TRHDE: variants seen among roughly 807,000 people sequenced by gnomAD.
TRHDE encodes the protein thyrotropin-releasing hormone-degrading ectoenzyme.
In TRHDE, 72 loss-of-function variants were observed where a neutral mutation model predicts 125.7. The observed-to-expected ratio is 0.57, with a 90% confidence interval of 0.47 to 0.70. The LOEUF is 0.70. Among genes scored for constraint, TRHDE ranks in the 30% least tolerant of loss-of-function variants. The pLI, the probability that TRHDE is intolerant of heterozygous loss-of-function variation, is 0.00. For missense variants in TRHDE, 1,110 were observed against 1,327.1 expected, an observed-to-expected ratio of 0.84 and a Z score of 2.54; for synonymous variants, 509 against 509.1, an observed-to-expected ratio of 1.00 and a Z score of 0.00.
intron 6 of TRHDE, among the ~76,000 whole-genome samples, chr12:72,541,193 A>G (rs548738900): frequency 1.3e-5 from 2 of 151,702 alleles, no homozygotes; most frequent in African/African-American, 4.8e-5. Flanking sequence ...TGGGATGTGT[A>G]GTCATAAAGC....
intron 2 of TRHDE, among the ~76,000 whole-genome samples, chr12:72,171,745 T>C (rs188612520): frequency 6.6e-6 from 1 of 152,272 alleles, no homozygotes; most frequent in East Asian, 1.9e-4. Context: ...GAAGAGGGTG[T>C]CTTAGTGACT....
rs1259491060 is a variant in TRHDE, at chr12:72,122,034, T to C, written n.279+16282T>C. Among the ~76,000 whole-genome samples the C allele has an allele frequency of 1.8e-4, 27 of 152,108 alleles. 1 individual carries two copies. The highest frequency in any genetic ancestry group is 1.5e-3 in the Admixed American group (23 of 15,264). ...GTCTTTGGCTTTGTGGTAAAGGATA[T>C]CTACTATTCTTCATGTCACTCACAC... On this transcript the variant is annotated intron_variant and non_coding_transcript_variant, in intron 2 of 4. Transcript: ENST00000548156.
intron 6 of TRHDE, among the ~76,000 whole-genome samples, chr12:72,522,155 T>G (rs1868262692): frequency 6.6e-6 from 1 of 152,314 alleles, no homozygotes; most frequent in Middle Eastern, 3.4e-3. Context: ...AGTTAGTAAA[T>G]GGTGGAGTCA....
intron 6 of TRHDE, among the ~76,000 whole-genome samples, chr12:72,511,299 T>G (rs575438139): frequency 2.6e-4 from 39 of 152,314 alleles, no homozygotes; most frequent in Admixed American, 9.2e-4. Context: ...ATATTTATGT[T>G]TGTATCATTA....
At chr12:72,100,233 C>G (rs1875035091) in intron 1 of TRHDE, among the ~76,000 whole-genome samples, 1 of 152,100 alleles carries the variant, frequency 6.6e-6, no homozygotes, top group South Asian at 2.1e-4. Context: ...CTGTGTAAGG[C>G]TTTTTATGAG....
chr12:72,644,228 C>A (rs1874185438), intron 15 of TRHDE, among the ~76,000 whole-genome samples: 2 of 152,170 alleles, frequency 1.3e-5, no homozygotes, highest in Non-Finnish European at 2.9e-5. Flanking sequence ...AATCTCTACT[C>A]CCTAGCACAT....
chr12:72,421,942 C>A (rs1462345662), intron 3 of TRHDE, among the ~76,000 whole-genome samples: 9 of 151,950 alleles, frequency 5.9e-5, no homozygotes, highest in Non-Finnish European at 1.3e-4. Context: ...AACCAGAATG[C>A]CAAATATTTT....
At chr12:72,109,448 C>T (rs754238111) in intron 2 of TRHDE, among the ~76,000 whole-genome samples, 13 of 151,942 alleles carry the variant, frequency 8.6e-5, no homozygotes, top group Admixed American at 2.0e-4. Flanking sequence ...AATATATATG[C>T]GACTTAACTA....
At chr12:72,240,192 A>G (rs183288944) in intron 2 of TRHDE, among the ~76,000 whole-genome samples, 1 of 151,556 alleles carries the variant, frequency 6.6e-6, no homozygotes, top group East Asian at 1.9e-4. Flanking sequence ...TTTATTTTTA[A>G]AGTTATATGT....
intron 6 of TRHDE, among the ~76,000 whole-genome samples, chr12:72,513,051 A>G (rs1360113344): frequency 6.6e-6 from 1 of 152,148 alleles, no homozygotes; most frequent in East Asian, 1.9e-4. Context: ...TGGTATGTTA[A>G]TGAAATATAA....
intron 2 of TRHDE, among the ~76,000 whole-genome samples, chr12:72,332,832 A>C (rs940783023): frequency 1.5e-4 from 23 of 152,308 alleles, no homozygotes; most frequent in African/African-American, 5.5e-4. Flanking sequence ...TTTGTTAGAA[A>C]TGCAGAATCT....
intron 2 of TRHDE, among the ~76,000 whole-genome samples, chr12:72,345,283 C>G (rs1870267065): frequency 6.6e-6 from 1 of 152,034 alleles, no homozygotes; most frequent in Non-Finnish European, 1.5e-5. Context: ...AAAAATAAAT[C>G]CAGCCCTGAC....
chr12:72,144,272 T>A (rs758954883), intron 2 of TRHDE, among the ~76,000 whole-genome samples: 5 of 152,236 alleles, frequency 3.3e-5, no homozygotes, highest in Non-Finnish European at 7.3e-5. Context: ...GTCTCTTTCT[T>A]TGAACCCCCT....
intron 3 of TRHDE, among the ~76,000 whole-genome samples, chr12:72,433,444 T>C (rs1281084316): frequency 1.3e-5 from 2 of 152,106 alleles, no homozygotes; most frequent in African/African-American, 4.8e-5. Flanking sequence ...CTCTAGTTTA[T>C]GGGTGGGGTG....
At chr12:72,565,194 T>C (rs760136697) in intron 9 of TRHDE, among the ~76,000 whole-genome samples, 1 of 152,204 alleles carries the variant, frequency 6.6e-6, no homozygotes, top group African/African-American at 2.4e-5. Context: ...TAGATCTTTA[T>C]TTTACAATGC....
intron 2 of TRHDE, among the ~76,000 whole-genome samples, chr12:72,180,419 C>T (rs1040304602): frequency 6.6e-6 from 1 of 152,082 alleles, no homozygotes; most frequent in Non-Finnish European, 1.5e-5. Flanking sequence ...TTCAGGACAA[C>T]AATTTGCTGG....
At chr12:72,377,325 G>A (rs1456703352) in intron 2 of TRHDE, among the ~76,000 whole-genome samples, 1 of 147,504 alleles carries the variant, frequency 6.8e-6, no homozygotes, top group Non-Finnish European at 1.5e-5. Context: ...TTTTGGCCAA[G>A]GACTAGATAA....
At chr12:72,651,232 A>G (rs984607079) in intron 15 of TRHDE, among the ~76,000 whole-genome samples, 1 of 152,118 alleles carries the variant, frequency 6.6e-6, no homozygotes, top group African/African-American at 2.4e-5. Context: ...ATACTTTCTT[A>G]GAATTCTACA....
intron 6 of TRHDE, among the ~76,000 whole-genome samples, chr12:72,521,067 G>T (rs757795379): frequency 4.6e-5 from 7 of 152,120 alleles, no homozygotes; most frequent in Admixed American, 3.9e-4. Context: ...TCCAAATTCT[G>T]CCCTGTGTGT....
Sources: allele counts gnomAD v4.1 joint callset (sites outside exome capture counted in the v4.1 genomes callset), GRCh38; gene constraint gnomAD v4.1.1; transcripts MANE v1.5; gene names NCBI Gene and HGNC (gene_info 2026-07-23, HGNC 2026-07-21).